Variants in C8orf89 observed in about 807,000 individuals in gnomAD.
C8orf89 encodes the protein putative uncharacterized protein C8orf89.
In C8orf89, 14 loss-of-function variants were observed where a neutral mutation model predicts 15.8. The ratio of observed to expected loss-of-function variants is 0.89; its 90% CI spans 0.59 to 1.39. C8orf89 has a LOEUF of 1.39. C8orf89 is among the 40% of genes most tolerant of loss of function. The pLI, the probability that C8orf89 is intolerant of heterozygous loss-of-function variation, is 0.00. For missense variants in C8orf89, 181 were observed against 184.5 expected, an observed-to-expected ratio of 0.98 and a Z score of 0.11; for synonymous variants, 55 against 62.2, an observed-to-expected ratio of 0.88 and a Z score of 0.54.
the C8orf89 span, among the ~76,000 whole-genome samples, chr8:73,265,588 C>T: frequency 1.3e-5 from 2 of 152,124 alleles, no homozygotes; most frequent in South Asian, 4.1e-4. Context: ...ACAGAGGTAT[C>T]AAAAGAACTT....
chr8:73,250,263 C>T lies in C8orf89; in HGVS notation c.337+5G>A. The T allele has an allele frequency of 6.5e-7, 1 of 1,530,588 alleles. No homozygotes were observed. The highest frequency in any genetic ancestry group is 8.8e-7 in the Non-Finnish European group (1 of 1,142,612). The allele number at this position is 1,530,588 out of a possible 1,614,324, so 94.8% of individuals were successfully genotyped here. On this transcript the variant is annotated splice_donor_5th_base_variant and intron_variant, in intron 3 of 3. Transcript: ENST00000624510. ...GGTAGTAGAAAAAAGGACGAGTCAGCTTACCTTTTGATTTCTCCCAAAGTG... is the reference window on the plus strand; with the variant it reads ...GGTAGTAGAAAAAAGGACGAGTCAGTTTACCTTTTGATTTCTCCCAAAGTG...
In C8orf89 at chr8:73,257,138, T is replaced by C. The variant is rs781124933; in HGVS notation, c.128-12A>G. 2.7e-6 allele frequency: 4 copies of C among 1,497,076 alleles called. No homozygotes were observed. The South Asian group carries it at 3.8e-5, about 14-fold the overall frequency. The allele number at this position is 1,497,076 out of a possible 1,614,324, so 92.7% of individuals were successfully genotyped here. A position where few individuals can be genotyped will look rare whatever the true frequency, so the allele number is the denominator to read the frequency against. ...TGCTGTGGTATATTCTGGTTAAAAA[T>C]ATATAAGAATCATCTTGATTAAATG... On this transcript the variant is annotated splice_polypyrimidine_tract_variant and intron_variant, in intron 1 of 3. Coordinates refer to ENST00000624510, the MANE Select transcript of C8orf89 (RefSeq NM_001243237.3).
At chr8:73,269,748 A>G in the C8orf89 span, among the ~76,000 whole-genome samples, 2 of 152,240 alleles carry the variant, frequency 1.3e-5, no homozygotes, top group African/African-American at 4.8e-5. Flanking sequence ...GGCTCCCATG[A>G]CATAATAACT....
At chr8:73,280,465 G>A in the C8orf89 span, among the ~76,000 whole-genome samples, 1 of 152,252 alleles carries the variant, frequency 6.6e-6, no homozygotes, top group Non-Finnish European at 1.5e-5. Context: ...CCACCTCCCA[G>A]GTTCAAGCAG....
upstream of C8orf89, among the ~76,000 whole-genome samples, chr8:73,261,528 G>C (rs1309463058): frequency 6.6e-6 from 1 of 152,034 alleles, no homozygotes; most frequent in African/African-American, 2.4e-5. Flanking sequence ...GGAGAGGCGA[G>C]CCCTCCCCAA....
the C8orf89 span, among the ~76,000 whole-genome samples, chr8:73,274,470 A>G: frequency 1.3e-5 from 2 of 152,100 alleles, 1 homozygote; most frequent in Admixed American, 1.3e-4. Flanking sequence ...TTTTTAGGTT[A>G]TCTTTTGTTT....
upstream of C8orf89, among the ~76,000 whole-genome samples, chr8:73,264,240 G>A (rs541276339): frequency 2.4e-4 from 36 of 152,274 alleles, no homozygotes; most frequent in African/African-American, 7.9e-4. Context: ...AAGCTAAAAC[G>A]AGAAGGCAGA....
chr8:73,252,839 G>A (rs146348310), intron 2 of C8orf89, among the ~76,000 whole-genome samples: 360 of 152,256 alleles, frequency 2.4e-3, no homozygotes, highest in African/African-American at 8.1e-3. Context: ...TACTACCAGA[G>A]TGAATAAGAA....
chr8:73,245,067 A>G (rs1813094888), intron 3 of C8orf89, among the ~76,000 whole-genome samples: 1 of 152,204 alleles, frequency 6.6e-6, no homozygotes, highest in South Asian at 2.1e-4. Flanking sequence ...ATGGAGGCAG[A>G]TAAGAGAGAA....
At chr8:73,245,079 G>A (rs1813095280) in intron 3 of C8orf89, among the ~76,000 whole-genome samples, 1 of 152,278 alleles carries the variant, frequency 6.6e-6, no homozygotes, top group Admixed American at 6.5e-5. Context: ...AAGAGAGAAT[G>A]AGAACCAAGC....
At chr8:73,248,583 T>C (rs1813180034) in intron 3 of C8orf89, among the ~76,000 whole-genome samples, 1 of 152,182 alleles carries the variant, frequency 6.6e-6, no homozygotes, top group Admixed American at 6.6e-5. Context: ...CATGGAATGT[T>C]TTTCTACTTG....
At chr8:73,259,541 C>T, upstream of C8orf89, 1 of 996,988 alleles carries the variant, frequency 1.0e-6, no homozygotes, top group South Asian at 2.5e-5. Flanking sequence ...CAAGGCACGT[C>T]CGAGACAAGG....
upstream of C8orf89, among the ~76,000 whole-genome samples, chr8:73,262,131 T>C (rs1278048864): frequency 2.6e-5 from 4 of 152,220 alleles, no homozygotes; most frequent in African/African-American, 7.2e-5. Context: ...ATTTCCAGTC[T>C]TAAAGAACTC....
Position 73,241,481 on chromosome 8 carries a change from C to G in C8orf89, c.462G>C (p.Lys154Asn), listed in dbSNP as rs868467609. ...TTCAGCGGTCTCGGAGGTCTCGTTT[C>G]TTGCTTTTTTTTGATTTTGTGGTTG... ...QETTTKSKKS[K>N]KRDLRDR The change falls in exon 4 of 4, where the codon AAG becomes AAC. Residue 154 changes from lysine to asparagine, a missense_variant. Transcript: ENST00000624510. 30 of 1,529,256 alleles carry G rather than the reference C, an allele frequency of 2.0e-5. No homozygotes were observed. Among genetic ancestry groups the G allele is most frequent in the Non-Finnish European group, 2.4e-5 (28 of 1,143,114 alleles). 94.7% of individuals were successfully genotyped at this position (1,529,256 alleles called of 1,614,324 possible). A position where few individuals can be genotyped will look rare whatever the true frequency, so the allele number is the denominator to read the frequency against.
At chr8:73,251,025 A>G (rs1012989254) in intron 2 of C8orf89, among the ~76,000 whole-genome samples, 4 of 152,016 alleles carry the variant, frequency 2.6e-5, no homozygotes, top group African/African-American at 9.7e-5. Context: ...TGGCCTCAAA[A>G]TGCTGGCCTC....
In C8orf89 at chr8:73,241,389, A is replaced by G. The variant is rs1813001973; in HGVS notation, c.*68T>C. 2 of 1,227,736 alleles carry G rather than the reference A, an allele frequency of 1.6e-6. No homozygotes were observed. The highest frequency in any genetic ancestry group is 2.8e-5 in the South Asian group (1 of 35,570). 76.1% of individuals were successfully genotyped at this position (1,227,736 alleles called of 1,614,324 possible). A position where few individuals can be genotyped will look rare whatever the true frequency, so the allele number is the denominator to read the frequency against. On this transcript the variant is annotated 3_prime_UTR_variant, in exon 4 of 4. Coordinates refer to ENST00000624510, the MANE Select transcript of C8orf89 (RefSeq NM_001243237.3). ...TTTTATATAAATCATTTTGCATCATATCATATAAAAAAAGAAAATATAAAG... is the reference window on the plus strand; with the variant it reads ...TTTTATATAAATCATTTTGCATCATGTCATATAAAAAAAGAAAATATAAAG...
intron 1 of C8orf89, among the ~76,000 whole-genome samples, chr8:73,258,922 G>C (rs1813467468): frequency 6.6e-6 from 1 of 152,082 alleles, no homozygotes; most frequent in Admixed American, 6.6e-5. Flanking sequence ...AAGCCACTGT[G>C]CCTGGCTTTG....
the C8orf89 span, among the ~76,000 whole-genome samples, chr8:73,278,505 C>T: frequency 6.6e-6 from 1 of 152,176 alleles, no homozygotes; most frequent in Non-Finnish European, 1.5e-5. Context: ...GGGGCAGGCC[C>T]CTGGAAGTAA....
intron 2 of C8orf89, among the ~76,000 whole-genome samples, chr8:73,255,837 T>C (rs1250406947): frequency 2.0e-5 from 3 of 151,650 alleles, no homozygotes; most frequent in Non-Finnish European, 4.4e-5. Flanking sequence ...GAAATCATCA[T>C]TCTCAGTAAA....
Sources: gnomAD v4.1 joint callset for allele counts (sites outside exome capture counted in the v4.1 genomes callset) on GRCh38, gnomAD v4.1.1 for gene constraint, MANE v1.5 for transcripts, NCBI Gene and HGNC (gene_info 2026-07-23, HGNC 2026-07-21) for gene names.